Variants in ADCY3 observed in about 807,000 individuals in gnomAD.
The protein encoded by ADCY3 is adenylate cyclase 3.
A neutral mutation model predicts 119.4 loss-of-function variants in ADCY3; 70 were observed. That is an observed-to-expected ratio of 0.59 (90% confidence interval 0.48 to 0.72). The LOEUF (loss-of-function observed/expected upper bound fraction) is 0.72. Among genes scored for constraint, ADCY3 ranks in the 30% least tolerant of loss-of-function variants. The pLI, the probability that ADCY3 is intolerant of heterozygous loss-of-function variation, is 0.00. For synonymous variants in ADCY3, 672 were observed against 621.4 expected (o/e 1.08, Z -1.21); for missense variants, 1,238 against 1,541.6 (o/e 0.80, Z 3.30).
In ADCY3 at chr2:24,919,359, A is replaced by G; in HGVS notation, c.-197-175T>C. 1 of 207,146 alleles carries G rather than the reference A, an allele frequency of 4.8e-6. No individual in the cohort carries two copies. The highest frequency in any genetic ancestry group is 9.6e-5 in the South Asian group (1 of 10,450). The allele number at this position is 207,146 out of a possible 1,614,324, so 12.8% of individuals were successfully genotyped here. On this transcript the variant is annotated intron_variant, in intron 1 of 21. Coordinates refer to ENST00000679454, the MANE Select transcript of ADCY3 (RefSeq NM_004036.5). The surrounding 1 kb of genome is among the most constrained non-coding windows in gnomAD (Gnocchi z 5.5). ...ACCGCAGGCACACTTAGTCCTGTCC[A>G]CGCCAGACACTCAATTTCCTGTCCC... is the stretch of plus-strand genomic sequence containing the variant.
At chr2:24,891,149 A>C (rs888157109) in intron 2 of ADCY3, among the ~76,000 whole-genome samples, 1 of 152,178 alleles carries the variant, frequency 6.6e-6, no homozygotes, top group African/African-American at 2.4e-5. Context: ...GATTACAGGC[A>C]TGAGCCACTG....
In ADCY3 at chr2:24,839,250, C is replaced by T. The variant is rs542413928; in HGVS notation, c.1355+623G>A. On this transcript the variant is annotated intron_variant, in intron 7 of 21. Transcript: ENST00000679454. ...AGCCACAAGATCCAATTATCCCCCA[C>T]CTTGCACGTTTCTCAGTTGCAACCC... 3.3e-5 allele frequency among the ~76,000 whole-genome samples: 5 copies of T among 152,290 alleles called. No individual in the cohort carries two copies. The South Asian group carries it at 1.0e-3, about 32-fold the overall frequency.
At chr2:24,825,975 C>T in intron 16 of ADCY3, 70 bp downstream of exon 16, 1 of 1,478,632 alleles carries the variant, frequency 6.8e-7, no homozygotes, top group Non-Finnish European at 9.4e-7. Context: ...GCTCTTAGGT[C>T]CCAGGGCTGC....
intron 3 of ADCY3, among the ~76,000 whole-genome samples, chr2:24,845,057 C>T (rs764132959): frequency 6.6e-6 from 1 of 152,216 alleles, no homozygotes; most frequent in Non-Finnish European, 1.5e-5. Context: ...TTTCACCTCC[C>T]GCCATGATTC....
At chr2:24,891,680 T>C (rs1677676712) in intron 2 of ADCY3, among the ~76,000 whole-genome samples, 1 of 152,168 alleles carries the variant, frequency 6.6e-6, no homozygotes. Flanking sequence ...AAGGGAAAGA[T>C]AAATTTGTGT....
intron 3 of ADCY3, among the ~76,000 whole-genome samples, chr2:24,869,815 G>A (rs1466217914): frequency 2.0e-5 from 3 of 152,096 alleles, no homozygotes; most frequent in South Asian, 2.1e-4. Flanking sequence ...TAATGAGTTG[G>A]GCATAACCGT....
chr2:24,874,161 G>A (rs868141125), intron 2 of ADCY3, among the ~76,000 whole-genome samples: 2 of 152,160 alleles, frequency 1.3e-5, no homozygotes, highest in Admixed American at 6.5e-5. Context: ...CCGGCAGAAT[G>A]TTCCTGCAGC....
Position 24,834,410 on chromosome 2 carries a change from GACA to G in ADCY3, c.1967+72_1967+74del. On this transcript the variant is annotated intron_variant, in intron 11 of 21. Transcript: ENST00000679454. The surrounding 1 kb of genome is among the most constrained non-coding windows in gnomAD (Gnocchi z 4.2). ...CTCCCCAATGTCAGGCTCCCGCTGA[GACA>G]CCTGCCCCCGCCCCCCGCCCGGCAC... 1.5e-6 allele frequency: 2 copies of G among 1,333,280 alleles called. No homozygotes were observed. Among genetic ancestry groups the G allele is most frequent in the Non-Finnish European group, 2.1e-6 (2 of 969,726 alleles). The allele number at this position is 1,333,280 out of a possible 1,614,324, so 82.6% of individuals were successfully genotyped here.
chr2:24,880,614 T>C (rs1353730649), intron 2 of ADCY3, among the ~76,000 whole-genome samples: 1 of 152,236 alleles, frequency 6.6e-6, no homozygotes, highest in Non-Finnish European at 1.5e-5. Flanking sequence ...ATAAAAGTGG[T>C]AGAAAGTGAC....
chr2:24,820,226 T>C (rs1391683678), intron 21 of ADCY3, 112 bp from the exon 22 acceptor site: 2 of 1,198,858 alleles, frequency 1.7e-6, no homozygotes, highest in African/African-American at 1.5e-5. Context: ...TCCCAAGCAG[T>C]ACGGGACACT....
rs781331772 is a variant in ADCY3 at position 24,820,033 on chromosome 2, C to G, written c.3334G>C (p.Gly1112Arg). The G allele has an allele frequency of 6.2e-7, 1 of 1,609,076 alleles. No individual in the cohort carries two copies. The highest frequency in any genetic ancestry group is 1.7e-5 in the Admixed American group (1 of 59,068). ...RRGPIFVKGKGELLTFFLKGR... is the reference protein window; with the variant it reads ...RRGPIFVKGKRELLTFFLKGR... ...TTCAAGAAGAAGGTCAGCAGCTCCC[C>G]CTTCCCCTTCACAAAGATGGGGCCT... The change falls in exon 22 of 22, where the codon GGG becomes CGG. Residue 1112 changes from glycine (G) to arginine (R), a missense_variant. Around this residue, in one of 7 missense-constraint regions of ADCY3, gnomAD observed 86 missense variants for 70.7 expected, o/e 1.22. Transcript: ENST00000679454.
chr2:24,892,253 C>CT (rs34728703), intron 2 of ADCY3, among the ~76,000 whole-genome samples: 70,315 of 144,152 alleles, frequency 0.49, 17,915 homozygotes, highest in African/African-American at 0.66. Context: ...TGTATTGAGT[C>CT]TTTTTTTTTT....
At chr2:24,877,798 GGAA>G (rs1471253662) in intron 2 of ADCY3, 21 of 446,926 alleles carry the variant, frequency 4.7e-5, no homozygotes, top group Non-Finnish European at 7.9e-5. Context: ...AGACAGAGAG[GGAA>G]GAGGCTCCTT....
intron 2 of ADCY3, among the ~76,000 whole-genome samples, chr2:24,888,802 A>T (rs184898365): frequency 6.6e-6 from 1 of 152,234 alleles, no homozygotes; most frequent in African/African-American, 2.4e-5. Context: ...TGAGGTGAAG[A>T]GTTTGAGATC....
chr2:24,862,778 T>C (rs1673834530), intron 3 of ADCY3, among the ~76,000 whole-genome samples: 1 of 152,270 alleles, frequency 6.6e-6, no homozygotes, highest in East Asian at 1.9e-4. Flanking sequence ...TAATACCATA[T>C]TCATTTTTAA....
At chr2:24,866,471 A>G (rs2148769466) in intron 3 of ADCY3, among the ~76,000 whole-genome samples, 1 of 151,294 alleles carries the variant, frequency 6.6e-6, no homozygotes, top group East Asian at 1.9e-4. Flanking sequence ...TAGCTACTCA[A>G]AAGGCTGGGG....
chr2:24,891,061 G>A (rs547428060), intron 2 of ADCY3, among the ~76,000 whole-genome samples: 1 of 152,016 alleles, frequency 6.6e-6, no homozygotes, highest in South Asian at 2.1e-4. Context: ...GTAGAGATGG[G>A]GTTTCGCCAT....
chr2:24,904,350 C>T (rs1008639186), intron 2 of ADCY3, among the ~76,000 whole-genome samples: 1 of 151,834 alleles, frequency 6.6e-6, no homozygotes, highest in Non-Finnish European at 1.5e-5. Context: ...ACCAACATGG[C>T]GAAACCCCAT....
intron 8 of ADCY3, among the ~76,000 whole-genome samples, chr2:24,837,294 G>A (rs771570565): frequency 5.9e-5 from 9 of 152,162 alleles, no homozygotes; most frequent in Non-Finnish European, 8.8e-5. Flanking sequence ...GTTATGGAGT[G>A]GGAAGGAGGG....
Sources: gnomAD v4.1 joint callset for allele counts (sites outside exome capture counted in the v4.1 genomes callset) on GRCh38, gnomAD v4.1.1 for gene constraint, gnomAD v4.1.1 regional missense constraint, Gnocchi (gnomAD v3.1) non-coding constraint, MANE v1.5 for transcripts, NCBI Gene and HGNC (gene_info 2026-07-23, HGNC 2026-07-21) for gene names.